SPATS2: variants seen among roughly 807,000 people sequenced by gnomAD.
SPATS2 encodes the protein spermatogenesis-associated serine-rich protein 2.
Under a neutral mutation model 63.7 loss-of-function variants are expected in SPATS2, and 38 were observed. That is an observed-to-expected ratio of 0.60 (90% CI 0.46 to 0.78). SPATS2 has a LOEUF of 0.78. Ranked by LOEUF, SPATS2 falls within the 30% of genes least tolerant of loss-of-function variation. The probability of loss-of-function intolerance (pLI) is 0.00; values close to 1 mark genes in which losing one functional copy is unlikely to be tolerated. For missense variants in SPATS2, 588 were observed against 666.2 expected (o/e 0.88, Z 1.29); for synonymous variants, 207 against 232.9 (o/e 0.89, Z 1.01).
intron 4 of SPATS2, among the ~76,000 whole-genome samples, chr12:49,485,865 T>G (rs1044750988): frequency 6.6e-6 from 1 of 151,166 alleles, no homozygotes; most frequent in South Asian, 2.1e-4. Context: ...GTTCAAGTGA[T>G]TCTCATCCCC....
At chr12:49,401,659 G>C (rs1375933140) in intron 2 of SPATS2, among the ~76,000 whole-genome samples, 1 of 152,040 alleles carries the variant, frequency 6.6e-6, no homozygotes, top group Non-Finnish European at 1.5e-5. Flanking sequence ...TATCCTGTCA[G>C]TTTCTTTTTC....
intron 3 of SPATS2, among the ~76,000 whole-genome samples, chr12:49,475,968 G>A (rs1175880841): frequency 6.6e-6 from 1 of 152,140 alleles, no homozygotes; most frequent in Non-Finnish European, 1.5e-5. Flanking sequence ...GGGAAGGGCT[G>A]TGGTCCCTTT....
chr12:49,454,685 C>T (rs1275520702), intron 2 of SPATS2, among the ~76,000 whole-genome samples: 1 of 151,948 alleles, frequency 6.6e-6, no homozygotes, highest in African/African-American at 2.4e-5. Flanking sequence ...GAGTTAGAGA[C>T]CAGACTGGGC....
intron 2 of SPATS2, among the ~76,000 whole-genome samples, chr12:49,424,759 C>T (rs1189630169): frequency 6.6e-6 from 1 of 152,154 alleles, no homozygotes; most frequent in East Asian, 1.9e-4. Context: ...TCACTGCAAC[C>T]TCCGCCCCCC....
intron 2 of SPATS2, among the ~76,000 whole-genome samples, chr12:49,446,829 T>A (rs571026666): frequency 6.6e-6 from 1 of 152,358 alleles, no homozygotes; most frequent in African/African-American, 2.4e-5. Context: ...TTTGATTGAA[T>A]AATTAGGGGA....
At chr12:49,504,770 C>CTTTAT (rs1220484266) in intron 9 of SPATS2, among the ~76,000 whole-genome samples, 1 of 98,860 alleles carries the variant, frequency 1.0e-5, no homozygotes, top group Admixed American at 1.1e-4. Context: ...TTCTTTCTTT[C>CTTTAT]TTTTTTTTTT....
intron 2 of SPATS2, among the ~76,000 whole-genome samples, chr12:49,413,204 C>G (rs1349878570): frequency 6.6e-6 from 1 of 151,988 alleles, no homozygotes; most frequent in African/African-American, 2.4e-5. Flanking sequence ...CAGATGGTGA[C>G]TGAGCCTAGA....
chr12:49,495,869 C>G (rs148665028), intron 7 of SPATS2, among the ~76,000 whole-genome samples: 286 of 152,226 alleles, frequency 1.9e-3, no homozygotes, highest in African/African-American at 6.3e-3. Flanking sequence ...TTTGTGAGAA[C>G]TAGGCTGTTG....
chr12:49,465,048 T>C (rs1945888202), intron 3 of SPATS2, among the ~76,000 whole-genome samples: 1 of 152,270 alleles, frequency 6.6e-6, no homozygotes, highest in African/African-American at 2.4e-5. Context: ...TATTGTTGAA[T>C]GTGTCAGTAG....
rs1296740496 is a variant in SPATS2 at position 49,442,785 on chromosome 12, TTAAAAAA to T, written c.-243-17984_-243-17978del. 114 of 62,918 alleles carry T rather than the reference TTAAAAAA, an allele frequency of 1.8e-3. 10 individuals are homozygous for T. Among genetic ancestry groups the T allele is most frequent in the African/African-American group, 4.4e-3 (104 of 23,828 alleles). 3.9% of individuals were successfully genotyped at this position (62,918 alleles called of 1,614,324 possible). A position where few individuals can be genotyped will look rare whatever the true frequency, so the allele number is the denominator to read the frequency against. ...GGCAACAGAGAGAGACCATGTCTCC[TTAAAAAA>T]AAAAAAAAAAAAAAAAAAAAAAAAA... On this transcript the variant is annotated intron_variant, in intron 2 of 13. Coordinates refer to ENST00000552918, the MANE Select transcript of SPATS2 (RefSeq NM_023071.4).
chr12:49,496,416 A>G (rs1479351531), intron 7 of SPATS2, among the ~76,000 whole-genome samples: 1 of 152,164 alleles, frequency 6.6e-6, no homozygotes, highest in African/African-American at 2.4e-5. Context: ...CCTGGCCCCT[A>G]AAGCTTTTTA....
In SPATS2 at chr12:49,526,040, C is replaced by T. The variant is rs955649557; in HGVS notation, c.1423C>T (p.Arg475Cys). Reference protein sequence around the residue: ...MNQGRHDSMGRYRNSSWYSSG... With the variant: ...MNQGRHDSMGCYRNSSWYSSG... The stretch of plus-strand genomic sequence containing the variant: ...CCAAGGGCGGCATGACAGTATGGGT[C>T]GTTACAGAAACAGCTCGTGGTATTC... The change falls in exon 14 of 14, where the codon CGT becomes TGT. Residue 475 changes from arginine (R) to cysteine (C), a missense_variant. By Grantham distance (180) the Arg-to-Cys change is radical (BLOSUM62 -3). Coordinates refer to ENST00000552918, the MANE Select transcript of SPATS2 (RefSeq NM_023071.4). 2.2e-5 allele frequency: 35 copies of T among 1,614,060 alleles called. No homozygotes were observed. The highest frequency in any genetic ancestry group is 2.9e-5 in the Non-Finnish European group (34 of 1,180,046).
chr12:49,371,866 C>A (rs1033311740), intron 2 of SPATS2, among the ~76,000 whole-genome samples: 5 of 152,052 alleles, frequency 3.3e-5, no homozygotes, highest in Non-Finnish European at 7.4e-5. Context: ...CACCTCCCAC[C>A]AGGCCCCACC....
At chr12:49,383,990 A>G (rs189775769) in intron 2 of SPATS2, among the ~76,000 whole-genome samples, 2 of 152,340 alleles carry the variant, frequency 1.3e-5, no homozygotes. Context: ...TAAAGATAGT[A>G]CAAAGAGCTC....
At chr12:49,450,534 G>A (rs1375390297) in intron 2 of SPATS2, among the ~76,000 whole-genome samples, 2 of 151,180 alleles carry the variant, frequency 1.3e-5, no homozygotes, top group Non-Finnish European at 2.9e-5. Flanking sequence ...GTGAGCCACC[G>A]CGCCTGGCCG....
chr12:49,367,457 G>GCGGCGGCGA (rs1409515632), upstream of SPATS2: 2 of 400,844 alleles, frequency 5.0e-6, no homozygotes, highest in African/African-American at 2.1e-5. Flanking sequence ...GGGGAGGAGC[G>GCGGCGGCGA]CGGCGGCGAC....
intron 2 of SPATS2, among the ~76,000 whole-genome samples, chr12:49,385,099 G>A (rs1211876079): frequency 6.6e-6 from 1 of 151,984 alleles, no homozygotes; most frequent in African/African-American, 2.4e-5. Flanking sequence ...GTGACCCACT[G>A]CACCCAGTCC....
intron 9 of SPATS2, among the ~76,000 whole-genome samples, chr12:49,502,318 C>A (rs1235769092): frequency 6.6e-6 from 1 of 152,150 alleles, no homozygotes; most frequent in Non-Finnish European, 1.5e-5. Flanking sequence ...ATAATGCCTC[C>A]AAAAAGTTAA....
intron 6 of SPATS2, among the ~76,000 whole-genome samples, chr12:49,494,260 CTT>C (rs1946429546): frequency 6.6e-6 from 1 of 152,106 alleles, no homozygotes; most frequent in African/African-American, 2.4e-5. Flanking sequence ...TGTTAACATA[CTT>C]TTTGACCTTT....
Sources: allele counts gnomAD v4.1 joint callset (sites outside exome capture counted in the v4.1 genomes callset), GRCh38; gene constraint gnomAD v4.1.1; transcripts MANE v1.5; gene names NCBI Gene and HGNC (gene_info 2026-07-23, HGNC 2026-07-21).